DHRS12: variants seen among roughly 807,000 people sequenced by gnomAD.
DHRS12 encodes the protein dehydrogenase/reductase SDR family member 12.
In DHRS12, 29 loss-of-function variants were observed where a neutral mutation model predicts 32.1. That is an observed-to-expected ratio of 0.90 (90% CI 0.67 to 1.23). The LOEUF is 1.23. Ranked by LOEUF, DHRS12 falls within the 50% of genes most tolerant of loss-of-function variation. The probability of loss-of-function intolerance (pLI) is 0.00; values close to 1 mark genes in which losing one functional copy is unlikely to be tolerated. For missense variants in DHRS12, 330 were observed against 337.2 expected (o/e 0.98, Z 0.17); for synonymous variants, 150 against 135.9 (o/e 1.10, Z -0.72).
At chr13:51,779,753 A>G (rs1954616229) in intron 4 of DHRS12, among the ~76,000 whole-genome samples, 1 of 152,164 alleles carries the variant, frequency 6.6e-6, no homozygotes, top group Non-Finnish European at 1.5e-5. Flanking sequence ...TAGCCCACTA[A>G]TAAATTATTT....
At chr13:51,798,123 T>C (rs1955592064) in intron 2 of DHRS12, among the ~76,000 whole-genome samples, 1 of 152,132 alleles carries the variant, frequency 6.6e-6, no homozygotes, top group African/African-American at 2.4e-5. Context: ...TGGAATAACA[T>C]CCTGATTTTT....
At chr13:51,771,950 A>C in intron 6 of DHRS12, 39 bp from the exon 7 acceptor site, 1 of 1,599,560 alleles carries the variant, frequency 6.3e-7, no homozygotes, top group Non-Finnish European at 8.6e-7. Context: ...AGGAGAGAGG[A>C]GGCGCCATTA....
chr13:51,803,923 T>G, intron 1 of DHRS12, 131 bp downstream of exon 1: 2 of 854,300 alleles, frequency 2.3e-6, no homozygotes, highest in Non-Finnish European at 3.1e-6. Context: ...GCACCCGTCG[T>G]TCTGGACACG....
intron 4 of DHRS12, 169 bp downstream of exon 4, chr13:51,789,841 GA>G (rs2139272228): frequency 1.0e-6 from 1 of 985,184 alleles, no homozygotes; most frequent in Admixed American, 6.1e-5. Flanking sequence ...AACATGAAAA[GA>G]GAAAGTGTTT....
At chr13:51,755,729 G>A in the DHRS12 span, among the ~76,000 whole-genome samples, 1 of 152,180 alleles carries the variant, frequency 6.6e-6, no homozygotes, top group South Asian at 2.1e-4. Context: ...TACAATTAGA[G>A]GTGTCATGCT....
chr13:51,772,795 T>G (rs897233936), intron 6 of DHRS12: 3 of 985,352 alleles, frequency 3.0e-6, no homozygotes, highest in African/African-American at 3.5e-5. Flanking sequence ...TTTATTCCCA[T>G]GTCCTCTGGG....
intron 1 of DHRS12, among the ~76,000 whole-genome samples, chr13:51,800,253 T>C (rs1484650485): frequency 6.6e-6 from 1 of 152,254 alleles, no homozygotes; most frequent in Non-Finnish European, 1.5e-5. Context: ...ATCTGCATTA[T>C]GATAATGTTC....
intron 4 of DHRS12, among the ~76,000 whole-genome samples, chr13:51,778,191 G>C (rs1954536540): frequency 6.6e-6 from 1 of 152,236 alleles, no homozygotes; most frequent in African/African-American, 2.4e-5. Context: ...GCATTTTCAG[G>C]AGATAATAGC....
intron 1 of DHRS12, among the ~76,000 whole-genome samples, 198 bp from the exon 2 acceptor site, chr13:51,799,865 C>T (rs1328776856): frequency 1.3e-5 from 2 of 152,166 alleles, no homozygotes; most frequent in Non-Finnish European, 2.9e-5. Context: ...GGACCATGAT[C>T]TTTCCAAACT....
rs768137226 is a variant in DHRS12 at position 51,799,680 on chromosome 13, G to A, written c.-8-13C>T. The A allele has an allele frequency of 2.5e-6, 4 of 1,612,566 alleles. No homozygotes were observed. Among genetic ancestry groups the A allele is most frequent in the Non-Finnish European group, 3.4e-6 (4 of 1,179,694 alleles). On this transcript the variant is annotated splice_polypyrimidine_tract_variant and intron_variant, in intron 1 of 8. Transcript: ENST00000444610. The stretch of plus-strand genomic sequence containing the variant: ...TTCATAGCCACTCCTAGAAAGAGGA[G>A]ACCCACAGGAAGACCAGCTGTAAGG...
chr13:51,767,509 A>C (rs1046703859), downstream of DHRS12: 1 of 152,156 alleles, frequency 6.6e-6, no homozygotes, highest in Non-Finnish European at 1.5e-5. Context: ...TCCACCATGG[A>C]CACCAAGAAT....
Position 51,769,248 on chromosome 13 carries a change from C to G in DHRS12, c.605G>C (p.Arg202Pro). The G allele has an allele frequency of 6.3e-7, 1 of 1,590,632 alleles. No individual in the cohort carries two copies. Among genetic ancestry groups the G allele is most frequent in the East Asian group, 2.3e-5 (1 of 43,974 alleles). Residue 202 changes from arginine (R) to proline (P), a missense_variant, in exon 8 of 9, where the codon CGC (arginine) becomes CCC (proline). Transcript: ENST00000444610. ...MPGFHARFGD[R>P]LRSEAQGADT... ...CGCGCCCTGGGCCTCGGAGCGCAGG[C>G]GGTCCCCGAACCTGGCGTGGAACCC...
intron 7 of DHRS12, among the ~76,000 whole-genome samples, chr13:51,770,076 T>C (rs571430968): frequency 5.8e-4 from 88 of 152,320 alleles, no homozygotes; most frequent in Non-Finnish European, 9.3e-4. Context: ...TTAAGAGCCT[T>C]ACTGAGATCA....
At chr13:51,802,812 C>T (rs796873300) in intron 1 of DHRS12, among the ~76,000 whole-genome samples, 1 of 152,378 alleles carries the variant, frequency 6.6e-6, no homozygotes, top group African/African-American at 2.4e-5. Flanking sequence ...CCCCTCCCCT[C>T]CCTTCCCCCA....
At position 51,777,923 on chromosome 13, in the gene DHRS12, C is replaced by T. The variant is rs181978639; in HGVS notation, c.302-802G>A. On this transcript the variant is annotated intron_variant, in intron 4 of 8. Coordinates refer to ENST00000444610, the MANE Select transcript of DHRS12 (RefSeq NM_001377533.1). Reference sequence around the variant, plus strand: ...TTACAAAAAAGGGAGAGTTTAAAGCCCCTTACCCCAAAGTGAGGCAGGAAT... The same window carrying T: ...TTACAAAAAAGGGAGAGTTTAAAGCTCCTTACCCCAAAGTGAGGCAGGAAT... 3.3e-5 allele frequency among the ~76,000 whole-genome samples: 5 copies of T among 152,264 alleles called. No homozygotes were observed. The East Asian group carries it at 9.6e-4, about 29-fold the overall frequency.
chr13:51,765,062 C>T (rs1953706719), downstream of DHRS12: 1 of 152,266 alleles, frequency 6.6e-6, no homozygotes, highest in South Asian at 2.1e-4. Flanking sequence ...TACAGGGGCA[C>T]TTGCAACAGG....
chr13:51,772,711 T>C (rs1954087743), intron 6 of DHRS12: 1 of 985,490 alleles, frequency 1.0e-6, no homozygotes, highest in Non-Finnish European at 1.2e-6. Context: ...AGTCACACTA[T>C]TGCCCCATCC....
the DHRS12 span, chr13:51,760,566 A>G: frequency 1.3e-5 from 2 of 152,078 alleles, no homozygotes; most frequent in African/African-American, 4.8e-5. Context: ...ATTCAGTTGG[A>G]GCCTCCTGAG....
At chr13:51,785,513 T>C (rs531165264) in intron 4 of DHRS12, among the ~76,000 whole-genome samples, 1 of 152,324 alleles carries the variant, frequency 6.6e-6, no homozygotes, top group African/African-American at 2.4e-5. Flanking sequence ...CTGGATATCA[T>C]GTCCAGTTAA....
Sources: gnomAD v4.1 joint callset for allele counts (sites outside exome capture counted in the v4.1 genomes callset) on GRCh38, gnomAD v4.1.1 for gene constraint, MANE v1.5 for transcripts, NCBI Gene and HGNC (gene_info 2026-07-23, HGNC 2026-07-21) for gene names.